The following URAD variants were observed in gnomAD, a reference collection of about 807,000 sequenced individuals.
The protein encoded by URAD is putative 2-oxo-4-hydroxy-4-carboxy-5-ureidoimidazoline decarboxylase.
Under a neutral mutation model 4.6 loss-of-function variants are expected in URAD, and 4 were observed. That is an observed-to-expected ratio of 0.87 (90% CI 0.43 to 1.98). The LOEUF is 1.98. Ranked by LOEUF, URAD falls within the 30% of genes most tolerant of loss-of-function variation. The pLI is 0.03. For missense variants in URAD, 300 were observed against 255.3 expected, an observed-to-expected ratio of 1.18 and a Z score of -1.19; for synonymous variants, 144 against 118.2, an observed-to-expected ratio of 1.22 and a Z score of -1.41.
intron 1 of URAD, among the ~76,000 whole-genome samples, chr13:27,987,968 T>G (rs1593193470): frequency 6.6e-6 from 1 of 152,290 alleles, no homozygotes; most frequent in Non-Finnish European, 1.5e-5. Flanking sequence ...TGTTTTTTGT[T>G]TTGTTTTTTG....
intron 1 of URAD, among the ~76,000 whole-genome samples, chr13:27,985,061 C>G (rs918868636): frequency 1.7e-4 from 26 of 152,198 alleles, no homozygotes; most frequent in African/African-American, 4.3e-4. Flanking sequence ...CACCTTGATG[C>G]TTTCCATATA....
chr13:27,985,833 T>C (rs551308924), intron 1 of URAD, among the ~76,000 whole-genome samples: 1 of 152,202 alleles, frequency 6.6e-6, no homozygotes, highest in Admixed American at 6.5e-5. Flanking sequence ...ATAATAATAC[T>C]ATTCCTCATT....
chr13:27,986,368 T>C (rs996833736), intron 1 of URAD, among the ~76,000 whole-genome samples: 12 of 152,090 alleles, frequency 7.9e-5, no homozygotes, highest in Non-Finnish European at 1.5e-5. Context: ...CACGGGGGCA[T>C]CAAAACAAGC....
chr13:27,981,740 T>C (rs904426053), intron 1 of URAD, among the ~76,000 whole-genome samples: 1 of 152,214 alleles, frequency 6.6e-6, no homozygotes, highest in African/African-American at 2.4e-5. Flanking sequence ...ATTTGTGTTC[T>C]TGAAGCTAGC....
Position 27,986,150 on chromosome 13 carries a change from C to T in URAD, c.175+2313G>A, listed in dbSNP as rs1351789150. On this transcript the variant is annotated intron_variant, in intron 1 of 1. Coordinates refer to ENST00000332715, the MANE Select transcript of URAD (RefSeq NM_001105577.2). Reference sequence around the variant, plus strand: ...CAACCGTCCAGGGGGCCCAAACTCCCTCCAGCCATTTTGTCCACTGACCTA... The same window carrying T: ...CAACCGTCCAGGGGGCCCAAACTCCTTCCAGCCATTTTGTCCACTGACCTA... 1.8e-4 allele frequency among the ~76,000 whole-genome samples: 28 copies of T among 152,194 alleles called. 1 individual carries two copies. The highest frequency in any genetic ancestry group is 1.8e-3 in the Admixed American group (28 of 15,284).
intron 1 of URAD, among the ~76,000 whole-genome samples, chr13:27,985,069 A>G (rs1312448252): frequency 1.3e-5 from 2 of 152,240 alleles, no homozygotes; most frequent in Non-Finnish European, 2.9e-5. Flanking sequence ...TGCTTTCCAT[A>G]TATGTATACA....
Position 27,978,310 on chromosome 13 carries a change from C to T in URAD, c.318G>A (p.Glu106=). Residue 106 remains glutamate, a synonymous_variant, in exon 2 of 2, where the codon GAG becomes GAA. Coordinates refer to ENST00000332715, the MANE Select transcript of URAD (RefSeq NM_001105577.2). Reference sequence around the variant, plus strand: ...AGCGCGCGCGGTACTGCGCGTTGAGCTCGGCCAGCCGCAGCCGCTCGTCCG... The same window carrying T: ...AGCGCGCGCGGTACTGCGCGTTGAGTTCGGCCAGCCGCAGCCGCTCGTCCG... ...LGADERLRLA[E]LNAQYRARFG... 2.1e-6 allele frequency: 3 copies of T among 1,398,950 alleles called. No individual in the cohort carries two copies. Among genetic ancestry groups the T allele is most frequent in the Non-Finnish European group, 1.8e-6 (2 of 1,084,502 alleles). 86.7% of individuals were successfully genotyped at this position (1,398,950 alleles called of 1,614,324 possible).
In URAD at chr13:27,978,203, G is replaced by A. The variant is rs757268000; in HGVS notation, c.425C>T (p.Pro142Leu). Residue 142 changes from proline (P) to leucine (L), a missense_variant, in exon 2 of 2, where the codon CCG becomes CTG. Physicochemically the swap from Pro to Leu is moderately conservative, Grantham distance 98 (BLOSUM62 -3). Coordinates refer to ENST00000332715, the MANE Select transcript of URAD (RefSeq NM_001105577.2). Reference sequence around the variant, plus strand: ...AGCAGTGCGCAGCTCCTGCGCGGACGGGCAGAGCAGCCGGCGCGCCAGCTC... The same window carrying A: ...AGCAGTGCGCAGCTCCTGCGCGGACAGGCAGAGCAGCCGGCGCGCCAGCTC... ...PRELARRLLCPSAQELRTALG... is the reference protein window; with the variant it reads ...PRELARRLLCLSAQELRTALG... The A allele has an allele frequency of 8.7e-6, 13 of 1,489,790 alleles. No homozygotes were observed. The highest frequency in any genetic ancestry group is 5.7e-5 in the East Asian group (2 of 34,942). 92.3% of individuals were successfully genotyped at this position (1,489,790 alleles called of 1,614,324 possible). A position where few individuals can be genotyped will look rare whatever the true frequency, so the allele number is the denominator to read the frequency against.
chr13:27,977,824 G>A lies in URAD; in HGVS notation c.*282C>T. 2.5e-6 allele frequency: 1 copy of A among 407,392 alleles called. No homozygotes were observed. Among genetic ancestry groups the A allele is most frequent in the African/African-American group, 2.1e-5 (1 of 48,068 alleles). 25.2% of individuals were successfully genotyped at this position (407,392 alleles called of 1,614,324 possible). A position where few individuals can be genotyped will look rare whatever the true frequency, so the allele number is the denominator to read the frequency against. On this transcript the variant is annotated 3_prime_UTR_variant, in exon 2 of 2. Transcript: ENST00000332715. ...CGCTTTGGAATCCACAAAGGCCGGT[G>A]GTGTCGGGGGCCGCAAAGGGAGTGA...
Position 27,983,418 on chromosome 13 carries a change from C to T in URAD, c.176-4966G>A, listed in dbSNP as rs374966709. 1.1e-3 allele frequency among the ~76,000 whole-genome samples: 165 copies of T among 151,926 alleles called. 2 individuals carry two copies. The highest frequency in any genetic ancestry group is 1.6e-3 in the East Asian group (8 of 5,152). ...CTAATTTTCTATTTTTAGTAGAGAC[C>T]GGGTTTCACCGTGTTGGCCAGGCTG... On this transcript the variant is annotated intron_variant, in intron 1 of 1. Transcript: ENST00000332715.
intron 1 of URAD, among the ~76,000 whole-genome samples, chr13:27,986,318 G>A (rs1870026862): frequency 6.6e-6 from 1 of 152,112 alleles, no homozygotes; most frequent in South Asian, 2.1e-4. Flanking sequence ...CTGTGATCTG[G>A]GATTCTGACA....
intron 1 of URAD, 139 bp from the exon 2 acceptor site, chr13:27,978,591 G>A: frequency 3.3e-6 from 2 of 611,870 alleles, no homozygotes; most frequent in Non-Finnish European, 4.7e-6. Flanking sequence ...CTGCGGGAGG[G>A]TGAAGTAGAG....
chr13:27,978,816 T>C (rs1486696432), intron 1 of URAD, among the ~76,000 whole-genome samples: 1 of 151,594 alleles, frequency 6.6e-6, no homozygotes, highest in Non-Finnish European at 1.5e-5. Flanking sequence ...TACGACTAGG[T>C]CGGGAGGGAG....
At chr13:27,986,041 C>G (rs1287379902) in intron 1 of URAD, among the ~76,000 whole-genome samples, 1 of 152,178 alleles carries the variant, frequency 6.6e-6, no homozygotes, top group Non-Finnish European at 1.5e-5. Flanking sequence ...AGGCTCCCAG[C>G]TGCTCCCAGA....
At chr13:27,984,471 A>C (rs562164715) in intron 1 of URAD, among the ~76,000 whole-genome samples, 1 of 152,344 alleles carries the variant, frequency 6.6e-6, no homozygotes, top group Admixed American at 6.5e-5. Context: ...TAATCATCAT[A>C]GCAGAACCTA....
At chr13:27,987,104 C>T (rs73453643) in intron 1 of URAD, among the ~76,000 whole-genome samples, 8,233 of 152,272 alleles carry the variant, frequency 0.054, 679 homozygotes, top group African/African-American at 0.18. Flanking sequence ...GTCTGTATGA[C>T]GGTCAGAAGC....
intron 1 of URAD, among the ~76,000 whole-genome samples, chr13:27,988,240 A>G (rs1870092945): frequency 6.8e-6 from 1 of 147,954 alleles, no homozygotes; most frequent in Non-Finnish European, 1.5e-5. Flanking sequence ...TACAGGCGTG[A>G]GCCACCAACA....
Position 27,978,210 on chromosome 13 carries a change from G to A in URAD, c.418C>T (p.Leu140Phe), listed in dbSNP as rs1227924595. ...AVPRELARRL[L>F]CPSAQELRTA... Reference sequence around the variant, plus strand: ...CGCAGCTCCTGCGCGGACGGGCAGAGCAGCCGGCGCGCCAGCTCGCGCGGC... The same window carrying A: ...CGCAGCTCCTGCGCGGACGGGCAGAACAGCCGGCGCGCCAGCTCGCGCGGC... The change falls in exon 2 of 2, where the codon CTC (leucine) becomes TTC (phenylalanine). Residue 140 changes from leucine (L) to phenylalanine (F), a missense_variant. Coordinates refer to ENST00000332715, the MANE Select transcript of URAD (RefSeq NM_001105577.2). The A allele has an allele frequency of 6.7e-7, 1 of 1,482,338 alleles. No individual in the cohort carries two copies. The highest frequency in any genetic ancestry group is 8.9e-7 in the Non-Finnish European group (1 of 1,127,768). The allele number at this position is 1,482,338 out of a possible 1,614,324, so 91.8% of individuals were successfully genotyped here. A position where few individuals can be genotyped will look rare whatever the true frequency, so the allele number is the denominator to read the frequency against.
At chr13:27,980,862 G>A (rs567055945) in intron 1 of URAD, among the ~76,000 whole-genome samples, 1 of 152,190 alleles carries the variant, frequency 6.6e-6, no homozygotes, top group Middle Eastern at 3.4e-3. Flanking sequence ...AACGTCGCCC[G>A]GGGTTAATGT....
Sources: gnomAD v4.1 joint callset for allele counts (sites outside exome capture counted in the v4.1 genomes callset) on GRCh38, gnomAD v4.1.1 for gene constraint, MANE v1.5 for transcripts, NCBI Gene and HGNC (gene_info 2026-07-23, HGNC 2026-07-21) for gene names.